TRAM2: variants seen among roughly 807,000 people sequenced by gnomAD.
TRAM2 encodes translocating chain-associated membrane protein 2.
In TRAM2, 12 loss-of-function variants were observed where a neutral mutation model predicts 51.0. The observed-to-expected ratio is 0.24, with a 90% CI of 0.15 to 0.38. TRAM2 has a LOEUF of 0.38. TRAM2 is among the 10% of genes least tolerant of loss of function. The pLI is 1.00. For missense variants in TRAM2, 361 were observed against 462.0 expected (o/e 0.78, Z 2.00); for synonymous variants, 175 against 179.4 (o/e 0.98, Z 0.20).
chr6:52,549,917 TCA>T (rs1310985595), intron 1 of TRAM2, among the ~76,000 whole-genome samples: 2 of 152,168 alleles, frequency 1.3e-5, no homozygotes, highest in Non-Finnish European at 2.9e-5. Context: ...AGTCCTATTC[TCA>T]GAGATGGTAG....
At chr6:52,573,498 A>G (rs1397039579) in intron 1 of TRAM2, among the ~76,000 whole-genome samples, 2 of 152,114 alleles carry the variant, frequency 1.3e-5, no homozygotes, top group Non-Finnish European at 1.5e-5. Flanking sequence ...GGCTGCACAG[A>G]GCAGCTTCTC....
intron 10 of TRAM2, among the ~76,000 whole-genome samples, chr6:52,503,731 A>G (rs1766285694): frequency 6.6e-6 from 1 of 152,134 alleles, no homozygotes; most frequent in African/African-American, 2.4e-5. Context: ...AGGGAGGGGG[A>G]CAAGAGGCTG....
intron 7 of TRAM2, among the ~76,000 whole-genome samples, chr6:52,507,175 C>T (rs1157679202): frequency 6.6e-6 from 1 of 152,180 alleles, no homozygotes; most frequent in East Asian, 1.9e-4. Context: ...TTGCATTGGA[C>T]ACTGTGAGGT....
chr6:52,562,786 A>G (rs1767522084), intron 1 of TRAM2, among the ~76,000 whole-genome samples: 1 of 152,086 alleles, frequency 6.6e-6, no homozygotes, highest in Non-Finnish European at 1.5e-5. Context: ...TTCAACTCCA[A>G]CTTATGAGAA....
chr6:52,532,696 A>G (rs2114084144), intron 2 of TRAM2, among the ~76,000 whole-genome samples: 1 of 152,340 alleles, frequency 6.6e-6, no homozygotes, highest in African/African-American at 2.4e-5. Context: ...TATGGGGCTG[A>G]TTGGATAATT....
chr6:52,526,152 G>GACACACACACACAC (rs775593303), intron 2 of TRAM2, among the ~76,000 whole-genome samples: 6 of 28,874 alleles, frequency 2.1e-4, no homozygotes, highest in Middle Eastern at 8.9e-3. Context: ...CACACAGACA[G>GACACACACACACAC]ACACACACAC....
chr6:52,522,821 A>T, intron 2 of TRAM2: 1 of 685,044 alleles, frequency 1.5e-6, no homozygotes, highest in Non-Finnish European at 2.7e-6. Context: ...GGGGAGTCAC[A>T]TTCTGCTTGA....
rs1767646966 is a variant in TRAM2 at position 52,569,684 on chromosome 6, G to A, written c.120+7112C>T. ...CACCTGCCACTCACATCAAGTTTAA[G>A]ACCTGACTCCTATCCACAAATAATC... On this transcript the variant is annotated intron_variant, in intron 1 of 10. Coordinates refer to ENST00000182527, the MANE Select transcript of TRAM2 (RefSeq NM_012288.4). Among the ~76,000 whole-genome samples the A allele has an allele frequency of 7.9e-5, 12 of 151,896 alleles. No individual in the cohort carries two copies. The South Asian group carries it at 2.1e-3, about 26-fold the overall frequency.
intron 1 of TRAM2, among the ~76,000 whole-genome samples, chr6:52,567,889 G>C (rs1767613706): frequency 6.6e-6 from 1 of 152,146 alleles, no homozygotes; most frequent in Admixed American, 6.5e-5. Context: ...TAACCTAATG[G>C]AGCACAATGT....
chr6:52,525,325 TG>T (rs1417481678), intron 2 of TRAM2, among the ~76,000 whole-genome samples: 1 of 152,210 alleles, frequency 6.6e-6, no homozygotes, highest in Admixed American at 6.5e-5. Flanking sequence ...AAGACAGGCA[TG>T]GGGCAAGCAG....
intron 2 of TRAM2, among the ~76,000 whole-genome samples, chr6:52,532,563 C>T (rs535704241): frequency 6.6e-6 from 1 of 152,142 alleles, no homozygotes; most frequent in East Asian, 1.9e-4. Context: ...TACTACTTAA[C>T]CCAGAAATTC....
At chr6:52,506,231 C>A in intron 7 of TRAM2, 95 bp from the exon 8 acceptor site, 17 of 1,136,656 alleles carry the variant, frequency 1.5e-5, no homozygotes, top group Non-Finnish European at 2.2e-5. Flanking sequence ...CTGTGCCTGG[C>A]TGGGCTCTGC....
At chr6:52,550,289 A>G (rs2268717) in intron 1 of TRAM2, among the ~76,000 whole-genome samples, 29,441 of 151,988 alleles carry the variant, frequency 0.19, 3,766 homozygotes, top group Non-Finnish European at 0.28. Context: ...GATCCATGCT[A>G]TCCTCAGCCC....
At chr6:52,563,095 C>T (rs185829719) in intron 1 of TRAM2, among the ~76,000 whole-genome samples, 4 of 152,270 alleles carry the variant, frequency 2.6e-5, no homozygotes, top group Admixed American at 6.5e-5. Flanking sequence ...ATATTCACTG[C>T]TGCATTGTTT....
chr6:52,534,814 TCAG>T (rs1214764460), intron 2 of TRAM2, among the ~76,000 whole-genome samples: 1 of 152,224 alleles, frequency 6.6e-6, no homozygotes, highest in East Asian at 1.9e-4. Flanking sequence ...CCTGTCCAGT[TCAG>T]CGATTTACCT....
chr6:52,535,412 G>A (rs960152918), intron 2 of TRAM2, among the ~76,000 whole-genome samples: 5 of 152,238 alleles, frequency 3.3e-5, no homozygotes, highest in Non-Finnish European at 5.9e-5. Context: ...GCTAGGCGTG[G>A]TGGCTCATGC....
In TRAM2 at chr6:52,502,927, A is replaced by G; in HGVS notation, c.*270T>C. 2.3e-6 allele frequency: 1 copy of G among 442,618 alleles called. No homozygotes were observed. The highest frequency in any genetic ancestry group is 3.6e-5 in the East Asian group (1 of 27,596). The allele number at this position is 442,618 out of a possible 1,614,324, so 27.4% of individuals were successfully genotyped here. On this transcript the variant is annotated 3_prime_UTR_variant, in exon 11 of 11. Transcript: ENST00000182527. ...AGCCATGGGCGCCTGGCGTTCCAGA[A>G]AAGCCAGCACAGGACAGGAGTGAGG...
chr6:52,573,678 C>T (rs1250594405), intron 1 of TRAM2, among the ~76,000 whole-genome samples: 1 of 152,134 alleles, frequency 6.6e-6, no homozygotes, highest in Non-Finnish European at 1.5e-5. Context: ...AGGAAATTAT[C>T]CCAAGGGAAA....
At chr6:52,534,682 G>A (rs969899785) in intron 2 of TRAM2, among the ~76,000 whole-genome samples, 10 of 152,198 alleles carry the variant, frequency 6.6e-5, no homozygotes, top group African/African-American at 1.9e-4. Flanking sequence ...CCTAAAAAGA[G>A]ATTTCTTTGG....
Sources: gnomAD v4.1 joint callset for allele counts (sites outside exome capture counted in the v4.1 genomes callset) on GRCh38, gnomAD v4.1.1 for gene constraint, MANE v1.5 for transcripts, NCBI Gene and HGNC (gene_info 2026-07-23, HGNC 2026-07-21) for gene names.